The following ALOX5 variants were observed in gnomAD, a reference collection of about 807,000 sequenced individuals.
The protein encoded by ALOX5 is arachidonate 5-lipoxygenase, also known as polyunsaturated fatty acid 5-lipoxygenase.
Under a neutral mutation model 87.9 loss-of-function variants are expected in ALOX5, and 64 were observed. The observed-to-expected ratio is 0.73, with a 90% CI of 0.60 to 0.90. ALOX5 has a LOEUF of 0.90. Ranked by LOEUF, ALOX5 falls within the 40% of genes least tolerant of loss-of-function variation. The pLI is 0.00. For synonymous variants in ALOX5, 388 were observed against 355.1 expected, an observed-to-expected ratio of 1.09 and a Z score of -1.04; for missense variants, 822 against 907.5, an observed-to-expected ratio of 0.91 and a Z score of 1.21.
At chr10:45,384,231 C>T (rs1044817583) in intron 2 of ALOX5, among the ~76,000 whole-genome samples, 1 of 151,970 alleles carries the variant, frequency 6.6e-6, no homozygotes, top group African/African-American at 2.4e-5. Flanking sequence ...CCTCTCCTTC[C>T]TCTACACATT....
At chr10:45,445,429 C>A in intron 13 of ALOX5, 79 bp from the exon 14 acceptor site, 1 of 1,514,676 alleles carries the variant, frequency 6.6e-7, no homozygotes, top group Non-Finnish European at 9.0e-7. Context: ...CGGTGGCTGG[C>A]CCCTTGGGAT....
chr10:45,430,087 G>A (rs1211771690), intron 7 of ALOX5, among the ~76,000 whole-genome samples: 1 of 152,186 alleles, frequency 6.6e-6, no homozygotes, highest in Non-Finnish European at 1.5e-5. Flanking sequence ...TAAAGGGACA[G>A]GTGACCTAAA....
intron 4 of ALOX5, among the ~76,000 whole-genome samples, chr10:45,413,699 G>A (rs1243694155): frequency 1.3e-5 from 2 of 152,152 alleles, no homozygotes; most frequent in Non-Finnish European, 2.9e-5. Context: ...AAACCCCATC[G>A]TCTCAGCCCA....
chr10:45,441,366 T>A lies in ALOX5; in HGVS notation c.1208T>A (p.Phe403Tyr). The A allele has an allele frequency of 1.2e-6, 2 of 1,613,510 alleles. No homozygotes were observed. The highest frequency in any genetic ancestry group is 2.2e-5 in the East Asian group (1 of 44,846). ...CAGCTGCTGGTGGCACACGTGAGAT[T>A]CACCATTGCAATCAACACCAAGGCC... ...IFKLLVAHVR[F>Y]TIAINTKARE... The change falls in exon 9 of 14, where the codon TTC becomes TAC. Residue 403 changes from phenylalanine (F) to tyrosine (Y), a missense_variant. Phe to Tyr is a conservative substitution (Grantham distance 22). Coordinates refer to ENST00000374391, the MANE Select transcript of ALOX5 (RefSeq NM_000698.5).
At chr10:45,414,169 G>A (rs556893226) in intron 4 of ALOX5, among the ~76,000 whole-genome samples, 6 of 152,312 alleles carry the variant, frequency 3.9e-5, no homozygotes, top group African/African-American at 1.2e-4. Context: ...GAGGCATCAT[G>A]CTACCTGACT....
At position 45,445,591 on chromosome 10, in the gene ALOX5, G is replaced by A; in HGVS notation, c.1929G>A (p.Glu643=). Residue 643 remains glutamate (E), a synonymous_variant, in exon 14 of 14, where the codon GAG becomes GAA. Transcript: ENST00000374391. ...EAMARFRKNL[E]AIVSVIAERN... is the part of the protein sequence containing the mutation. ...TGGCCCGATTCCGCAAGAACCTCGAGGCCATTGTCAGCGTGATTGCTGAGC... is the reference window on the plus strand; with the variant it reads ...TGGCCCGATTCCGCAAGAACCTCGAAGCCATTGTCAGCGTGATTGCTGAGC... 6.2e-7 allele frequency: 1 copy of A among 1,614,186 alleles called. No homozygotes were observed. Among genetic ancestry groups the A allele is most frequent in the Admixed American group, 1.7e-5 (1 of 60,024 alleles).
At position 45,425,986 on chromosome 10, in the gene ALOX5, G is replaced by A. The variant is rs551223722; in HGVS notation, c.834+854G>A. ...CCACCCACCCAGCTGAAGTCCCTGG[G>A]CAAGTCTCCTGCCCCAGTGCAGGCA... On this transcript the variant is annotated intron_variant, in intron 6 of 13. Coordinates refer to ENST00000374391, the MANE Select transcript of ALOX5 (RefSeq NM_000698.5). The surrounding 1 kb of genome is among the most constrained non-coding windows in gnomAD (Gnocchi z 4.4). Among the ~76,000 whole-genome samples the A allele has an allele frequency of 1.6e-4, 25 of 152,260 alleles. 1 individual carries two copies. In the South Asian group the frequency reaches 5.2e-3, roughly 32 times the overall value.
intron 13 of ALOX5, 89 bp from the exon 14 acceptor site, chr10:45,445,419 C>A: frequency 6.8e-7 from 1 of 1,462,608 alleles, no homozygotes; most frequent in Non-Finnish European, 9.3e-7. Context: ...ATCTCCCAAA[C>A]GGTGGCTGGC....
intron 7 of ALOX5, among the ~76,000 whole-genome samples, chr10:45,436,024 A>T (rs1197974837): frequency 6.6e-6 from 1 of 152,094 alleles, no homozygotes; most frequent in Non-Finnish European, 1.5e-5. Flanking sequence ...ATGATTAGTG[A>T]TGTTGGGCAT....
rs199929212 is a variant in ALOX5, at chr10:45,444,183, G to A, written c.1742G>A (p.Gly581Asp). 1.3e-6 allele frequency: 2 copies of A among 1,557,192 alleles called. No homozygotes were observed. The highest frequency in any genetic ancestry group is 4.8e-5 in the East Asian group (2 of 41,542). ...CGAGCCCCGCCACCGACTGCCAAGG[G>A]CGTGGTGACCATTGAGCAGATCGTG... ...TMRAPPPTAK[G>D]VVTIEQIVDT... Residue 581 changes from glycine to aspartate, a missense_variant, in exon 13 of 14, where the codon GGC becomes GAC. Gly to Asp is a moderately conservative substitution (Grantham distance 94). Coordinates refer to ENST00000374391, the MANE Select transcript of ALOX5 (RefSeq NM_000698.5).
intron 2 of ALOX5, among the ~76,000 whole-genome samples, chr10:45,388,049 T>G (rs1840065548): frequency 1.3e-5 from 2 of 152,172 alleles, no homozygotes; most frequent in African/African-American, 2.4e-5. Context: ...AGGGAAGTGG[T>G]GACGGACAGC....
chr10:45,390,430 CAT>C (rs1564415771), intron 2 of ALOX5, among the ~76,000 whole-genome samples: 1 of 152,200 alleles, frequency 6.6e-6, no homozygotes, highest in Non-Finnish European at 1.5e-5. Context: ...AAATTGACCA[CAT>C]AGTTGGAAGT....
At chr10:45,374,483 G>C in intron 1 of ALOX5, 54 bp downstream of exon 1, 1 of 1,433,608 alleles carries the variant, frequency 7.0e-7, no homozygotes, top group Non-Finnish European at 9.2e-7. Flanking sequence ...TCCGGGACCC[G>C]GTTTGGACGG....
At chr10:45,434,041 A>G (rs1035739775) in intron 7 of ALOX5, among the ~76,000 whole-genome samples, 2 of 152,172 alleles carry the variant, frequency 1.3e-5, no homozygotes, top group African/African-American at 4.8e-5. Context: ...TTGTTTGTCA[A>G]GTTGCTCATT....
intron 7 of ALOX5, among the ~76,000 whole-genome samples, chr10:45,432,126 T>A (rs894355366): frequency 6.6e-5 from 10 of 151,044 alleles, no homozygotes; most frequent in Non-Finnish European, 1.0e-4. Flanking sequence ...TAGTCAAAAA[T>A]TTTTTGAAAA....
chr10:45,400,064 C>T (rs1840645699), intron 3 of ALOX5, among the ~76,000 whole-genome samples: 1 of 152,190 alleles, frequency 6.6e-6, no homozygotes, highest in Non-Finnish European at 1.5e-5. Flanking sequence ...GCAGCCACTT[C>T]AGAAAACAGT....
chr10:45,443,642 G>A, intron 11 of ALOX5, 86 bp from the exon 12 acceptor site: 1 of 1,593,736 alleles, frequency 6.3e-7, no homozygotes, highest in Non-Finnish European at 8.5e-7. Context: ...CTCCGGCCTT[G>A]GGGCAGGGAA....
rs191315640 is a variant in ALOX5 at position 45,395,712 on chromosome 10, G to A, written c.350-143G>A. 8.0e-4 allele frequency: 515 copies of A among 643,556 alleles called. 1 individual carries two copies. The highest frequency in any genetic ancestry group is 4.1e-3 in the Middle Eastern group (13 of 3,158). The allele number at this position is 643,556 out of a possible 1,614,324, so 39.9% of individuals were successfully genotyped here. Reference sequence around the variant, plus strand: ...GCCTCAGTTTCTTCATCATTAATTGGGGAAGTGCTCTGAGGCTCAAATGAG... The same window carrying A: ...GCCTCAGTTTCTTCATCATTAATTGAGGAAGTGCTCTGAGGCTCAAATGAG... On this transcript the variant is annotated intron_variant, in intron 2 of 13. Coordinates refer to ENST00000374391, the MANE Select transcript of ALOX5 (RefSeq NM_000698.5).
intron 5 of ALOX5, 102 bp from the exon 6 acceptor site, chr10:45,424,858 G>A: frequency 1.4e-6 from 2 of 1,433,036 alleles, no homozygotes; most frequent in South Asian, 2.6e-5. Context: ...CTCGGGAGAG[G>A]AGACCAAGCA....
Sources: allele counts gnomAD v4.1 joint callset (sites outside exome capture counted in the v4.1 genomes callset), GRCh38; gene constraint gnomAD v4.1.1; non-coding constraint Gnocchi (gnomAD v3.1); transcripts MANE v1.5; gene names NCBI Gene and HGNC (gene_info 2026-07-23, HGNC 2026-07-21).